The following NOTCH2 variants were observed in gnomAD, a reference collection of about 807,000 sequenced individuals.
NOTCH2 encodes neurogenic locus notch homolog protein 2.
A neutral mutation model predicts 235.8 loss-of-function variants in NOTCH2; 29 were observed. The observed-to-expected ratio is 0.12, with a 90% CI of 0.09 to 0.17. The LOEUF (loss-of-function observed/expected upper bound fraction) is 0.17. NOTCH2 is among the 10% of genes least tolerant of loss of function. NOTCH2 has a pLI of 1.00. For synonymous variants in NOTCH2, 1,086 were observed against 1,141.5 expected (o/e 0.95, Z 0.98); for missense variants, 2,285 against 3,150.2 (o/e 0.73, Z 6.57).
chr1:120,066,140 G>C (rs1655496259), intron 1 of NOTCH2, among the ~76,000 whole-genome samples: 2 of 152,152 alleles, frequency 1.3e-5, no homozygotes, highest in African/African-American at 4.8e-5. Context: ...TAGAAGAAAT[G>C]ACATTATATT....
rs1553194791 is a variant in NOTCH2 at position 119,928,997 on chromosome 1, C to A, written c.3871G>T (p.Val1291Phe). 1.2e-6 allele frequency: 2 copies of A among 1,614,168 alleles called. No homozygotes were observed. The highest frequency in any genetic ancestry group is 8.5e-7 in the Non-Finnish European group (1 of 1,180,012). Reference protein sequence around the residue: ...CIQLTNDYLCVCRSAFTGRHC... With the variant: ...CIQLTNDYLCFCRSAFTGRHC... Reference sequence around the variant, plus strand: ...TCACCAGTAAAGGCACTACGGCAAACACACAGGTAGTCATTGGTGAGCTGT... The same window carrying A: ...TCACCAGTAAAGGCACTACGGCAAAAACACAGGTAGTCATTGGTGAGCTGT... The change falls in exon 23 of 34, where the codon GTT (valine) becomes TTT (phenylalanine). Residue 1291 changes from valine (V) to phenylalanine (F), a missense_variant. Transcript: ENST00000256646.
At chr1:119,974,677 C>T (rs919347439) in intron 5 of NOTCH2, among the ~76,000 whole-genome samples, 154 of 152,292 alleles carry the variant, frequency 1.0e-3, no homozygotes, top group African/African-American at 3.6e-3. Flanking sequence ...GCATAAGCTG[C>T]TCTGTCCACC....
intron 5 of NOTCH2, among the ~76,000 whole-genome samples, chr1:119,978,775 T>C (rs182802098): frequency 2.0e-3 from 302 of 152,114 alleles, no homozygotes; most frequent in Middle Eastern, 0.01. Context: ...TAAAAGCCCC[T>C]CACTGCACCA....
At chr1:120,017,520 G>A (rs1309356924) in intron 2 of NOTCH2, among the ~76,000 whole-genome samples, 1 of 152,198 alleles carries the variant, frequency 6.6e-6, no homozygotes, top group Non-Finnish European at 1.5e-5. Flanking sequence ...CAGTGCAGAA[G>A]CACAAGGTCA....
intron 1 of NOTCH2, among the ~76,000 whole-genome samples, chr1:120,038,080 T>C (rs1262450352): frequency 3.3e-5 from 5 of 152,218 alleles, no homozygotes; most frequent in African/African-American, 1.2e-4. Flanking sequence ...CTGTGCTATA[T>C]TGAAATCTAC....
chr1:120,024,979 A>T (rs1570757646), intron 2 of NOTCH2, among the ~76,000 whole-genome samples: 1 of 151,880 alleles, frequency 6.6e-6, no homozygotes, highest in East Asian at 1.9e-4. Flanking sequence ...AAAGCAAACT[A>T]TATGAAACCC....
At chr1:119,984,880 A>C (rs2453043) in intron 5 of NOTCH2, among the ~76,000 whole-genome samples, 3 of 152,140 alleles carry the variant, frequency 2.0e-5, no homozygotes, top group African/African-American at 7.2e-5. Flanking sequence ...AGCCTGGAGC[A>C]AGATCAGGGA....
At position 119,915,742 on chromosome 1, in the gene NOTCH2, G is replaced by A. The variant is rs1191366966; in HGVS notation, c.6980C>T (p.Thr2327Ile). 1 of 1,607,892 alleles carries A rather than the reference G, an allele frequency of 6.2e-7. No homozygotes were observed. Among genetic ancestry groups the A allele is most frequent in the Non-Finnish European group, 8.5e-7 (1 of 1,175,930 alleles). The stretch of plus-strand genomic sequence containing the variant: ...GGGGCCCGCAACAGCTGGAGGGCAG[G>A]TGGACTGAGGCTGGGGAGCCCCCGC... ...QPAGAPQPQS[T>I]CPPAVAGPLP... is the part of the protein sequence containing the mutation. The change falls in exon 34 of 34, where the codon ACC (threonine) becomes ATC (isoleucine). Residue 2327 changes from threonine (T) to isoleucine (I), a missense_variant. Physicochemically the swap from Thr to Ile is moderately conservative, Grantham distance 89 (BLOSUM62 -1). Around this residue, in one of 6 missense-constraint regions of NOTCH2, gnomAD observed 504 missense variants for 538.0 expected, o/e 0.94. Coordinates refer to ENST00000256646, the MANE Select transcript of NOTCH2 (RefSeq NM_024408.4).
chr1:119,963,644 A>G lies in NOTCH2; in HGVS notation c.1845T>C (p.Pro615=). 6.2e-7 allele frequency: 1 copy of G among 1,614,156 alleles called. No individual in the cohort carries two copies. The highest frequency in any genetic ancestry group is 8.5e-7 in the Non-Finnish European group (1 of 1,180,002). Residue 615 remains proline, a synonymous_variant, in exon 11 of 34, where the codon CCT becomes CCC. Transcript: ENST00000256646. ...CAATGCAGCGACCATCGTTCAGGCAAGGGCTGCTGTAACATTCATCAATCT... is the reference window on the plus strand; with the variant it reads ...CAATGCAGCGACCATCGTTCAGGCAGGGGCTGCTGTAACATTCATCAATCT... ...SDQIDECYSS[P]CLNDGRCIDL... is the part of the protein sequence containing the mutation.
At position 119,968,212 on chromosome 1, in the gene NOTCH2, C is replaced by T; in HGVS notation, c.1129G>A (p.Asp377Asn). ...GKAGLLCHLD[D>N]ACISNPCHKG... ...TGGCAAGGATTGCTGATGCATGCATCATCCAGATGACACAGGAGACCTGTC... is the reference window on the plus strand; with the variant it reads ...TGGCAAGGATTGCTGATGCATGCATTATCCAGATGACACAGGAGACCTGTC... The change falls in exon 7 of 34, where the codon GAT (aspartate) becomes AAT (asparagine). Residue 377 changes from aspartate to asparagine, a missense_variant. Physicochemically the swap from Asp to Asn is conservative, Grantham distance 23. Around this residue, in one of 6 missense-constraint regions of NOTCH2, gnomAD observed 431 missense variants for 757.8 expected, o/e 0.57. Transcript: ENST00000256646. 4 of 1,613,964 alleles carry T rather than the reference C, an allele frequency of 2.5e-6. No individual in the cohort carries two copies. The highest frequency in any genetic ancestry group is 3.3e-4 in the Middle Eastern group (2 of 6,058).
chr1:119,971,142 T>C (rs1373773752), intron 5 of NOTCH2, among the ~76,000 whole-genome samples: 2 of 152,226 alleles, frequency 1.3e-5, no homozygotes, highest in Non-Finnish European at 2.9e-5. Context: ...TCCATTACTA[T>C]AGAACCAATA....
chr1:119,977,051 T>C (rs1336554048), intron 5 of NOTCH2, among the ~76,000 whole-genome samples: 1 of 152,122 alleles, frequency 6.6e-6, no homozygotes, highest in African/African-American at 2.4e-5. Context: ...TATGCCTGTG[T>C]TTCTCACTAG....
At chr1:119,917,869 G>T in intron 32 of NOTCH2, 107 bp from the exon 33 acceptor site, 1 of 785,488 alleles carries the variant, frequency 1.3e-6, no homozygotes, top group Non-Finnish European at 2.3e-6. Context: ...GCAGGAAGCA[G>T]TTCTCTGTAG....
chr1:119,953,540 C>A lies in NOTCH2; in HGVS notation c.2365+3G>T. 1 of 1,614,120 alleles carries A rather than the reference C, an allele frequency of 6.2e-7. No homozygotes were observed. Among genetic ancestry groups the A allele is most frequent in the Non-Finnish European group, 8.5e-7 (1 of 1,179,998 alleles). On this transcript the variant is annotated splice_donor_region_variant and intron_variant, in intron 14 of 33. Coordinates refer to ENST00000256646, the MANE Select transcript of NOTCH2 (RefSeq NM_024408.4). ...ACGCAGAAAGATGTACTTTTGTTTT[C>A]ACCTTTAAAGCCCTTCTTGCAAGTA...
chr1:119,932,004 AT>A (rs1649679252), intron 22 of NOTCH2, among the ~76,000 whole-genome samples: 1 of 147,530 alleles, frequency 6.8e-6, no homozygotes, highest in Non-Finnish European at 1.5e-5. Context: ...ATATATGTAT[AT>A]ATACATATAT....
chr1:119,975,614 C>T (rs967914067), intron 5 of NOTCH2, among the ~76,000 whole-genome samples: 64 of 148,998 alleles, frequency 4.3e-4, no homozygotes, highest in African/African-American at 1.5e-3. Flanking sequence ...CCACTGCACT[C>T]CAGCCTGGCG....
chr1:119,978,513 C>T (rs1244645281), intron 5 of NOTCH2, among the ~76,000 whole-genome samples: 1 of 152,144 alleles, frequency 6.6e-6, no homozygotes, highest in East Asian at 1.9e-4. Context: ...GCTCCTGTGG[C>T]CACTATTGGC....
chr1:120,042,676 C>T (rs1168022635), intron 1 of NOTCH2, among the ~76,000 whole-genome samples: 1 of 147,096 alleles, frequency 6.8e-6, no homozygotes, highest in East Asian at 1.9e-4. Flanking sequence ...CACACATTAC[C>T]TCACTGAAAA....
At chr1:119,967,716 C>T (rs1651198029) in intron 7 of NOTCH2, 95 bp from the exon 8 acceptor site, 2 of 1,069,968 alleles carry the variant, frequency 1.9e-6, no homozygotes, top group East Asian at 2.4e-5. Flanking sequence ...AGCATCAGGG[C>T]CAGGCCTTCA....
Sources: allele counts gnomAD v4.1 joint callset (sites outside exome capture counted in the v4.1 genomes callset), GRCh38; gene constraint gnomAD v4.1.1; regional missense constraint gnomAD v4.1.1; transcripts MANE v1.5; gene names NCBI Gene and HGNC (gene_info 2026-07-23, HGNC 2026-07-21).